KCNC4: variants seen among roughly 807,000 people sequenced by gnomAD.
KCNC4 encodes voltage-gated potassium channel KCNC4.
Under a neutral mutation model 42.8 loss-of-function variants are expected in KCNC4, and 23 were observed. That is an observed-to-expected ratio of 0.54 (90% confidence interval 0.39 to 0.76). KCNC4 has a LOEUF of 0.76. Ranked by LOEUF, KCNC4 falls within the 30% of genes least tolerant of loss-of-function variation. KCNC4 has a pLI of 0.00. For missense variants in KCNC4, 751 were observed against 898.2 expected, an observed-to-expected ratio of 0.84 and a Z score of 2.10; for synonymous variants, 422 against 393.5, an observed-to-expected ratio of 1.07 and a Z score of -0.86.
chr1:110,264,685 A>G (rs1445316960), intron 1 of KCNC4, among the ~76,000 whole-genome samples: 1 of 152,220 alleles, frequency 6.6e-6, no homozygotes, highest in Non-Finnish European at 1.5e-5. Context: ...TCTCAAGGCT[A>G]GCTAGGAGCC....
chr1:110,282,008 A>G (rs537036670), intron 1 of KCNC4, among the ~76,000 whole-genome samples: 1 of 152,196 alleles, frequency 6.6e-6, no homozygotes, highest in Non-Finnish European at 1.5e-5. Flanking sequence ...AAGCAGGCAA[A>G]TTACCCACTG....
chr1:110,214,780 CCTT>C (rs1657684598), intron 1 of KCNC4, among the ~76,000 whole-genome samples: 1 of 152,234 alleles, frequency 6.6e-6, no homozygotes, highest in African/African-American at 2.4e-5. Flanking sequence ...TGAGAAATGT[CCTT>C]CTGAGGTTCT....
chr1:110,216,444 C>G (rs973238775), intron 1 of KCNC4, among the ~76,000 whole-genome samples: 2 of 152,244 alleles, frequency 1.3e-5, no homozygotes, highest in African/African-American at 4.8e-5. Flanking sequence ...GCAGGGCATC[C>G]TCCCAGTTTC....
intron 1 of KCNC4, among the ~76,000 whole-genome samples, chr1:110,213,535 C>A (rs530670512): frequency 6.6e-6 from 1 of 152,328 alleles, no homozygotes; most frequent in South Asian, 2.1e-4. Flanking sequence ...AGGGCAGATG[C>A]ATCTTCTGCC....
chr1:110,227,114 A>G (rs1285342244), intron 3 of KCNC4, among the ~76,000 whole-genome samples: 1 of 152,104 alleles, frequency 6.6e-6, no homozygotes, highest in East Asian at 1.9e-4. Context: ...TCCAAAACAG[A>G]GCTCTTCCCC....
intron 3 of KCNC4, chr1:110,232,158 G>A (rs1480053622): frequency 1.3e-6 from 2 of 1,529,992 alleles, no homozygotes; most frequent in African/African-American, 2.7e-5. Context: ...ATCCCAAAAG[G>A]GCTCTCTGAG....
chr1:110,261,925 G>A (rs965506924), intron 1 of KCNC4, among the ~76,000 whole-genome samples: 1 of 152,178 alleles, frequency 6.6e-6, no homozygotes, highest in African/African-American at 2.4e-5. Context: ...TTTTAAAGGT[G>A]ATGCTTTATT....
rs765531463 is a variant in KCNC4 at position 110,233,009 on chromosome 1, G to C, written c.*37G>C. Reference sequence around the variant, plus strand: ...CGTGAGAGAGACAGGCAGACAGACAGAAAGCCAGAGGCTTAGGGAAACTCT... The same window carrying C: ...CGTGAGAGAGACAGGCAGACAGACACAAAGCCAGAGGCTTAGGGAAACTCT... On this transcript the variant is annotated 3_prime_UTR_variant, in exon 4 of 4. Coordinates refer to ENST00000438661, the MANE Select transcript of KCNC4 (RefSeq NM_001039574.3). 6.3e-7 allele frequency: 1 copy of C among 1,599,320 alleles called. No homozygotes were observed. Among genetic ancestry groups the C allele is most frequent in the South Asian group, 1.1e-5 (1 of 88,270 alleles).
At chr1:110,275,597 T>C (rs1180010633) in intron 1 of KCNC4, among the ~76,000 whole-genome samples, 5 of 152,172 alleles carry the variant, frequency 3.3e-5, no homozygotes, top group Admixed American at 2.6e-4. Context: ...GGAATCAACC[T>C]GAGTGTCCAT....
At chr1:110,259,890 T>C (rs1452925667) in intron 1 of KCNC4, among the ~76,000 whole-genome samples, 1 of 152,200 alleles carries the variant, frequency 6.6e-6, no homozygotes, top group Non-Finnish European at 1.5e-5. Context: ...AGAGGGTGCC[T>C]TTTTGTGTGA....
rs369670720 is a variant in KCNC4 at position 110,223,846 on chromosome 1, A to G, written c.1561A>G (p.Ser521Gly). The part of the protein sequence containing the change: ...EETSPRDSTC[S>G]DTSPPAREEG... ...GACTTCCCCCCGGGACAGCACCTGC[A>G]GTGATACCAGCCCCCCTGCCCGGGA... is the stretch of plus-strand genomic sequence containing the variant. Residue 521 changes from serine (S) to glycine (G), a missense_variant, in exon 2 of 4, where the codon AGT becomes GGT. Ser to Gly is a moderately conservative substitution (Grantham distance 56). Transcript: ENST00000438661. The surrounding 1 kb of genome is among the most constrained non-coding windows in gnomAD (Gnocchi z 7.5). The G allele has an allele frequency of 2.2e-5, 35 of 1,609,272 alleles. No individual in the cohort carries two copies. Among genetic ancestry groups the G allele is most frequent in the Non-Finnish European group, 3.0e-5 (35 of 1,176,528 alleles).
exon 4 of KCNC4, chr1:110,247,287 A>G (rs1659171915): frequency 1.4e-5 from 2 of 143,204 alleles, no homozygotes; most frequent in Admixed American, 7.2e-5. Flanking sequence ...GAGTGCAATG[A>G]TACCATCACA....
intron 1 of KCNC4, among the ~76,000 whole-genome samples, chr1:110,261,503 A>G (rs1180905059): frequency 6.6e-6 from 1 of 152,218 alleles, no homozygotes; most frequent in Non-Finnish European, 1.5e-5. Flanking sequence ...AAATACGAGA[A>G]TTATATGATA....
At chr1:110,255,374 C>T (rs1205266460) in intron 1 of KCNC4, among the ~76,000 whole-genome samples, 1 of 152,164 alleles carries the variant, frequency 6.6e-6, no homozygotes, top group Non-Finnish European at 1.5e-5. Flanking sequence ...TTAGGCTCTG[C>T]AGTTTTGCAT....
At chr1:110,258,176 T>C (rs932964772) in intron 1 of KCNC4, among the ~76,000 whole-genome samples, 7 of 152,234 alleles carry the variant, frequency 4.6e-5, no homozygotes, top group Non-Finnish European at 2.9e-5. Context: ...GGAGATACTA[T>C]TCATATATCT....
intron 1 of KCNC4, among the ~76,000 whole-genome samples, chr1:110,266,205 GC>G (rs1313251459): frequency 5.9e-5 from 9 of 152,332 alleles, no homozygotes; most frequent in African/African-American, 2.2e-4. Flanking sequence ...ACAAGTACTG[GC>G]TTTGTGGTAA....
intron 1 of KCNC4, among the ~76,000 whole-genome samples, chr1:110,270,529 G>A (rs537127166): frequency 8.5e-5 from 13 of 152,310 alleles, no homozygotes; most frequent in Middle Eastern, 3.4e-3. Context: ...AGTCTTACAA[G>A]TTGTCCCCAT....
chr1:110,227,661 T>C (rs114552713), intron 3 of KCNC4, among the ~76,000 whole-genome samples: 122 of 152,356 alleles, frequency 8.0e-4, no homozygotes, highest in African/African-American at 2.7e-3. Flanking sequence ...AGCCTTGCTC[T>C]GGCTGGACCG....
chr1:110,250,043 A>G (rs572959297), downstream of KCNC4, among the ~76,000 whole-genome samples: 8 of 152,340 alleles, frequency 5.3e-5, no homozygotes, highest in East Asian at 1.5e-3. Context: ...AAAAATTAAC[A>G]CCTTAGCAAG....
Sources: gnomAD v4.1 joint callset for allele counts (sites outside exome capture counted in the v4.1 genomes callset) on GRCh38, gnomAD v4.1.1 for gene constraint, Gnocchi (gnomAD v3.1) non-coding constraint, MANE v1.5 for transcripts, NCBI Gene and HGNC (gene_info 2026-07-23, HGNC 2026-07-21) for gene names.